The following INSL6 variants were observed in gnomAD, a reference collection of about 807,000 sequenced individuals.
The protein encoded by INSL6 is insulin like 6.
Under a neutral mutation model 9.4 loss-of-function variants are expected in INSL6, and 16 were observed. The observed-to-expected ratio is 1.70, with a 90% confidence interval of 1.15 to 2.59. The LOEUF (loss-of-function observed/expected upper bound fraction) is 2.59, where lower values mean the gene tolerates loss of function less well. Ranked by LOEUF, INSL6 falls within the 30% of genes most tolerant of loss-of-function variation. The pLI, the probability that INSL6 is intolerant of heterozygous loss-of-function variation, is 0.00. For missense variants in INSL6, 391 were observed against 257.3 expected (o/e 1.52, Z -3.56); for synonymous variants, 154 against 96.9 (o/e 1.59, Z -3.46).
At chr9:5,095,887 A>G in the INSL6 span, among the ~76,000 whole-genome samples, 1 of 152,234 alleles carries the variant, frequency 6.6e-6, no homozygotes, top group Admixed American at 6.5e-5. Context: ...ACTTAGCCTA[A>G]GTATAAGCAC....
the INSL6 span, among the ~76,000 whole-genome samples, chr9:4,993,952 A>C: frequency 6.6e-6 from 1 of 152,160 alleles, no homozygotes; most frequent in African/African-American, 2.4e-5. Flanking sequence ...CTGAGTGATC[A>C]TGTATGGATG....
chr9:5,162,945 T>C (rs749854187), downstream of INSL6, among the ~76,000 whole-genome samples: 1 of 152,186 alleles, frequency 6.6e-6, no homozygotes, highest in Non-Finnish European at 1.5e-5. Flanking sequence ...TAATTTGTAG[T>C]ACTAAAATTA....
chr9:5,027,869 A>G, the INSL6 span, among the ~76,000 whole-genome samples: 1 of 152,174 alleles, frequency 6.6e-6, no homozygotes, highest in Non-Finnish European at 1.5e-5. Flanking sequence ...TTCAAGCTCC[A>G]CTTCTAATTT....
Position 5,185,439 on chromosome 9 carries a change from AAACGG to A in INSL6, c.159_163del (p.Phe55GlyfsTer59). 6.2e-7 allele frequency: 1 copy of A among 1,614,194 alleles called. No homozygotes were observed. The highest frequency in any genetic ancestry group is 8.5e-7 in the Non-Finnish European group (1 of 1,180,026). On this transcript the variant is annotated frameshift_variant, in exon 1 of 2. Transcript: ENST00000381641. LOFTEE classifies it high-confidence loss of function. ...CCGTGAGAAAGGGGTTTCCTCCTCG[AAACGG>A]AACTGGCTCCAGTTGGCATGGCCGC...
the INSL6 span, chr9:5,111,971 C>T: frequency 4.8e-5 from 17 of 353,046 alleles, no homozygotes; most frequent in Non-Finnish European, 8.4e-5. Context: ...CCTCCACCGC[C>T]GTGGGCTCCC....
the INSL6 span, among the ~76,000 whole-genome samples, chr9:4,993,252 G>A: frequency 1.3e-5 from 2 of 152,114 alleles, no homozygotes; most frequent in Non-Finnish European, 2.9e-5. Context: ...ATAATATTTC[G>A]TCTGAAAGGA....
the INSL6 span, among the ~76,000 whole-genome samples, chr9:5,081,326 G>A: frequency 6.6e-6 from 1 of 150,692 alleles, no homozygotes. Flanking sequence ...TTTTATAATT[G>A]ATTGATTCTC....
At chr9:5,170,020 A>G (rs901891090) in intron 1 of INSL6, among the ~76,000 whole-genome samples, 2 of 152,226 alleles carry the variant, frequency 1.3e-5, no homozygotes, top group African/African-American at 4.8e-5. Flanking sequence ...AATGGACCTG[A>G]TAGATATCTA....
chr9:5,001,483 T>G, the INSL6 span, among the ~76,000 whole-genome samples: 2 of 152,182 alleles, frequency 1.3e-5, no homozygotes, highest in African/African-American at 4.8e-5. Context: ...ATGAGGTAAA[T>G]TGCATTGATT....
the INSL6 span, among the ~76,000 whole-genome samples, chr9:5,031,797 A>T: frequency 2.9e-4 from 44 of 152,256 alleles, no homozygotes; most frequent in Non-Finnish European, 5.3e-4. Flanking sequence ...ATGACTGAAT[A>T]GGAACAGGTC....
At chr9:5,083,695 T>C in the INSL6 span, among the ~76,000 whole-genome samples, 7 of 152,116 alleles carry the variant, frequency 4.6e-5, no homozygotes, top group African/African-American at 1.4e-4. Context: ...ATTTAAGAAG[T>C]AGACATAACA....
intron 1 of INSL6, among the ~76,000 whole-genome samples, chr9:5,184,649 G>A (rs932247894): frequency 1.3e-5 from 2 of 152,138 alleles, no homozygotes; most frequent in African/African-American, 2.4e-5. Context: ...CTTGCATTTG[G>A]TTTAAATGTT....
intron 1 of INSL6, among the ~76,000 whole-genome samples, chr9:5,178,901 A>G (rs945232650): frequency 6.6e-6 from 1 of 152,218 alleles, no homozygotes; most frequent in African/African-American, 2.4e-5. Flanking sequence ...CCAAAACCAT[A>G]AAAACCTTAG....
chr9:5,153,765 G>A (rs1387770141), intron 2 of INSL6, among the ~76,000 whole-genome samples: 1 of 152,152 alleles, frequency 6.6e-6, no homozygotes, highest in Admixed American at 6.5e-5. Flanking sequence ...CAACTTACGA[G>A]GGATGTGGAG....
the INSL6 span, chr9:5,090,621 A>AG: frequency 6.5e-7 from 1 of 1,540,516 alleles, no homozygotes; most frequent in Non-Finnish European, 8.7e-7. Context: ...GTGTTGAAGT[A>AG]GACATTAGGA....
the INSL6 span, among the ~76,000 whole-genome samples, chr9:5,043,404 A>C: frequency 3.9e-5 from 6 of 152,354 alleles, no homozygotes; most frequent in Admixed American, 6.5e-5. Flanking sequence ...ACGATGGGAT[A>C]ATAATAGGTC....
the INSL6 span, chr9:5,111,922 A>C: frequency 2.9e-6 from 1 of 340,526 alleles, no homozygotes; most frequent in African/African-American, 2.2e-5. Flanking sequence ...GCCTCAATCT[A>C]CTCTCCGGAT....
At chr9:5,112,574 G>C in the INSL6 span, 4 of 668,360 alleles carry the variant, frequency 6.0e-6, no homozygotes, top group Non-Finnish European at 1.0e-5. Flanking sequence ...GAGCGGCTGC[G>C]GGTCCCTTAA....
At chr9:5,133,749 G>C (rs1187257247) in intron 2 of INSL6, among the ~76,000 whole-genome samples, 2 of 151,990 alleles carry the variant, frequency 1.3e-5, no homozygotes, top group East Asian at 3.8e-4. Context: ...AAACCAGCAA[G>C]AAAAGGGTGA....
Sources: allele counts gnomAD v4.1 joint callset (sites outside exome capture counted in the v4.1 genomes callset), GRCh38; gene constraint gnomAD v4.1.1; transcripts MANE v1.5; gene names NCBI Gene and HGNC (gene_info 2026-07-23, HGNC 2026-07-21).